SYT1: variants seen among roughly 807,000 people sequenced by gnomAD.
SYT1 encodes synaptotagmin 1.
SYT1 carries 8 observed loss-of-function variants against 44.8 expected under a neutral mutation model. That is an observed-to-expected ratio of 0.18 (90% CI 0.10 to 0.32). The LOEUF (loss-of-function observed/expected upper bound fraction) is 0.32. SYT1 is among the 10% of genes least tolerant of loss of function. The pLI is 1.00. For synonymous variants in SYT1, 154 were observed against 188.8 expected (o/e 0.82, Z 1.51); for missense variants, 286 against 509.3 (o/e 0.56, Z 4.22).
At chr12:79,025,004 T>G (rs1454669246) in intron 2 of SYT1, among the ~76,000 whole-genome samples, 1 of 151,848 alleles carries the variant, frequency 6.6e-6, no homozygotes, top group Non-Finnish European at 1.5e-5. Context: ...AATGTGCTTA[T>G]AAGATGCTTC....
chr12:79,119,400 C>T (rs890542573), intron 3 of SYT1, among the ~76,000 whole-genome samples: 2 of 152,192 alleles, frequency 1.3e-5, no homozygotes, highest in African/African-American at 4.8e-5. Context: ...TTCTATAAAA[C>T]TTTACCGCTC....
At chr12:79,015,364 T>C (rs1565763490) in intron 2 of SYT1, among the ~76,000 whole-genome samples, 1 of 152,162 alleles carries the variant, frequency 6.6e-6, no homozygotes, top group African/African-American at 2.4e-5. Flanking sequence ...TATTGTCCTT[T>C]TGTTTTAAGT....
intron 3 of SYT1, among the ~76,000 whole-genome samples, chr12:79,172,932 T>C (rs961867225): frequency 9.1e-6 from 1 of 110,090 alleles, no homozygotes; most frequent in Non-Finnish European, 1.7e-5. Context: ...GTCAAGATAC[T>C]ACTACATGTA....
At chr12:79,096,156 T>C (rs1878115895) in intron 3 of SYT1, among the ~76,000 whole-genome samples, 1 of 151,990 alleles carries the variant, frequency 6.6e-6, no homozygotes, top group African/African-American at 2.4e-5. Flanking sequence ...GTCAGACCTT[T>C]AAAAGTGTCA....
intron 4 of SYT1, among the ~76,000 whole-genome samples, chr12:79,259,412 A>C (rs111747585): frequency 6.6e-6 from 1 of 152,318 alleles, no homozygotes; most frequent in African/African-American, 2.4e-5. Context: ...TTAAAGCTTA[A>C]ATTAGGCATG....
At chr12:78,943,352 A>G (rs1481139627) in intron 1 of SYT1, among the ~76,000 whole-genome samples, 1 of 152,174 alleles carries the variant, frequency 6.6e-6, no homozygotes. Context: ...AGGCCTCAGG[A>G]AGCTTACAAT....
chr12:78,920,430 C>A (rs1049685596), intron 1 of SYT1, among the ~76,000 whole-genome samples: 1 of 151,908 alleles, frequency 6.6e-6, no homozygotes, highest in East Asian at 1.9e-4. Context: ...TCTATGAATG[C>A]ACAGTATGGG....
At chr12:79,001,780 C>G (rs1870757201) in intron 2 of SYT1, among the ~76,000 whole-genome samples, 1 of 152,110 alleles carries the variant, frequency 6.6e-6, no homozygotes, top group South Asian at 2.1e-4. Flanking sequence ...TTAAAATACT[C>G]TCTTGCTGAA....
intron 9 of SYT1, among the ~76,000 whole-genome samples, chr12:79,358,192 A>C (rs1883185636): frequency 6.6e-6 from 1 of 152,142 alleles, no homozygotes; most frequent in African/African-American, 2.4e-5. Flanking sequence ...TTCTGTTGTA[A>C]ATTAAATGAA....
At chr12:78,867,562 G>T (rs1370781667) in intron 1 of SYT1, among the ~76,000 whole-genome samples, 1 of 151,860 alleles carries the variant, frequency 6.6e-6, no homozygotes, top group Non-Finnish European at 1.5e-5. Flanking sequence ...CCTTTGACAG[G>T]ATATTTTAGT....
chr12:79,449,454 G>A lies in SYT1; in HGVS notation c.*330G>A, dbSNP rs1424036567. On this transcript the variant is annotated 3_prime_UTR_variant, in exon 11 of 11. Transcript: ENST00000261205. ...GTTTGTGTATTTGTATGTTGTAAGC[G>A]TTTCCTAATCTGTGTATATCTAGAT... 2.3e-5 allele frequency: 6 copies of A among 261,464 alleles called. No homozygotes were observed. The highest frequency in any genetic ancestry group is 9.7e-5 in the East Asian group (1 of 10,300). The allele number at this position is 261,464 out of a possible 1,614,324, so 16.2% of individuals were successfully genotyped here. A position where few individuals can be genotyped will look rare whatever the true frequency, so the allele number is the denominator to read the frequency against.
chr12:79,061,521 C>T (rs957538850), intron 3 of SYT1, among the ~76,000 whole-genome samples: 14 of 152,108 alleles, frequency 9.2e-5, no homozygotes, highest in Admixed American at 6.6e-5. Flanking sequence ...CACACTTCCC[C>T]TACATGTTGT....
chr12:79,346,063 A>T (rs967029494), intron 8 of SYT1, among the ~76,000 whole-genome samples: 1 of 152,218 alleles, frequency 6.6e-6, no homozygotes, highest in Non-Finnish European at 1.5e-5. Flanking sequence ...AAACTCACTC[A>T]AGAGTACAGT....
intron 3 of SYT1, among the ~76,000 whole-genome samples, chr12:79,060,474 C>T (rs1162135598): frequency 2.0e-5 from 3 of 151,990 alleles, no homozygotes; most frequent in Non-Finnish European, 2.9e-5. Context: ...AACAGCAACT[C>T]CCCATTCCCC....
At chr12:79,274,890 TCTTAGAGAGATA>T (rs1230301009) in intron 4 of SYT1, among the ~76,000 whole-genome samples, 1 of 152,136 alleles carries the variant, frequency 6.6e-6, no homozygotes. Context: ...ACCAAGGAAA[TCTTAGAGAGATA>T]CATCACTTCC....
At chr12:78,966,286 A>T (rs1879770252) in intron 1 of SYT1, among the ~76,000 whole-genome samples, 1 of 151,542 alleles carries the variant, frequency 6.6e-6, no homozygotes, top group African/African-American at 2.4e-5. Context: ...TATTGTATTT[A>T]TTTGTTATTA....
chr12:79,120,942 T>C (rs1445860160), intron 3 of SYT1, among the ~76,000 whole-genome samples: 1 of 144,830 alleles, frequency 6.9e-6, no homozygotes, highest in Non-Finnish European at 1.5e-5. Context: ...TATATATCTA[T>C]ATATATATAT....
At chr12:79,345,088 C>A (rs565821922) in intron 8 of SYT1, among the ~76,000 whole-genome samples, 12 of 152,276 alleles carry the variant, frequency 7.9e-5, no homozygotes, top group Admixed American at 2.0e-4. Flanking sequence ...TCCTGCCGAA[C>A]CTTCCTTATC....
chr12:79,050,197 G>A (rs1285528454), intron 3 of SYT1, among the ~76,000 whole-genome samples: 1 of 152,020 alleles, frequency 6.6e-6, no homozygotes, highest in African/African-American at 2.4e-5. Flanking sequence ...GAAAAGTGAA[G>A]AAAATATTAC....
Sources: allele counts gnomAD v4.1 joint callset (sites outside exome capture counted in the v4.1 genomes callset), GRCh38; gene constraint gnomAD v4.1.1; transcripts MANE v1.5; gene names NCBI Gene and HGNC (gene_info 2026-07-23, HGNC 2026-07-21).